GPR132: variants seen among roughly 807,000 people sequenced by gnomAD.
The protein encoded by GPR132 is probable G protein-coupled receptor 132.
GPR132 carries 4 observed loss-of-function variants against 1.9 expected under a neutral mutation model. The ratio of observed to expected loss-of-function variants is 2.13; its 90% confidence interval spans 1.05 to 4.87. The LOEUF is 4.87. Among genes scored for constraint, GPR132 ranks in the 30% most tolerant of loss-of-function variants. The pLI is 0.01. For synonymous variants in GPR132, 233 were observed against 234.2 expected, an observed-to-expected ratio of 0.99 and a Z score of 0.05; for missense variants, 404 against 512.5, an observed-to-expected ratio of 0.79 and a Z score of 2.04.
Position 105,060,552 on chromosome 14 carries a change from C to T in GPR132, c.-860-3272G>A, listed in dbSNP as rs1057316972. Among the ~76,000 whole-genome samples the T allele has an allele frequency of 1.3e-5, 2 of 152,230 alleles. No homozygotes were observed. Among genetic ancestry groups the T allele is most frequent in the African/African-American group, 4.8e-5 (2 of 41,462 alleles). On this transcript the variant is annotated intron_variant, in intron 1 of 3. Transcript: ENST00000329797. The surrounding 1 kb of genome is among the most constrained non-coding windows in gnomAD (Gnocchi z 6.3). ...CTCCGATTCTGCAGCCGCCCCCTCC[C>T]CACCTTTCAAATTCTGAATAACACG...
Position 105,051,867 on chromosome 14 carries a change from C to G in GPR132, c.270G>C (p.Leu90=). The G allele has an allele frequency of 6.2e-7, 1 of 1,613,842 alleles. No individual in the cohort carries two copies. Among genetic ancestry groups the G allele is most frequent in the Non-Finnish European group, 8.5e-7 (1 of 1,179,976 alleles). ...YLLCLALCEL[L]YTGTLPLWVI... is the part of the protein sequence containing the mutation. ...CCCAGAGTGGCAGCGTGCCTGTGTACAGCAGCTCGCAGAGTGCCAGGCAGA... is the reference window on the plus strand; with the variant it reads ...CCCAGAGTGGCAGCGTGCCTGTGTAGAGCAGCTCGCAGAGTGCCAGGCAGA... The change falls in exon 4 of 4, where the codon CTG becomes CTC. Residue 90 remains leucine (L), a synonymous_variant. Coordinates refer to ENST00000329797, the MANE Select transcript of GPR132 (RefSeq NM_013345.4). The surrounding 1 kb of genome is among the most constrained non-coding windows in gnomAD (Gnocchi z 8.0).
In GPR132 at chr14:105,052,212, C is replaced by G. The variant is rs182326606; in HGVS notation, c.35-110G>C. On this transcript the variant is annotated intron_variant, in intron 3 of 3. Coordinates refer to ENST00000329797, the MANE Select transcript of GPR132 (RefSeq NM_013345.4). Reference sequence around the variant, plus strand: ...TTTGTGGTAGCTCAGACTAGACACACGCAGGTGTTTAAAACATTTCCAAAT... The same window carrying G: ...TTTGTGGTAGCTCAGACTAGACACAGGCAGGTGTTTAAAACATTTCCAAAT... 254 of 826,950 alleles carry G rather than the reference C, an allele frequency of 3.1e-4. 3 individuals carry two copies. The African/African-American group carries it at 3.7e-3, about 12-fold the overall frequency. 51.2% of individuals were successfully genotyped at this position (826,950 alleles called of 1,614,324 possible). A position where few individuals can be genotyped will look rare whatever the true frequency, so the allele number is the denominator to read the frequency against.
intron 3 of GPR132, among the ~76,000 whole-genome samples, chr14:105,052,366 G>A (rs781187260): frequency 6.6e-6 from 1 of 151,842 alleles, no homozygotes; most frequent in Non-Finnish European, 1.5e-5. Flanking sequence ...TTGCTCTTGT[G>A]GCCCAGGTTG....
intron 1 of GPR132, among the ~76,000 whole-genome samples, chr14:105,063,127 C>T (rs530710683): frequency 6.6e-6 from 1 of 152,290 alleles, no homozygotes; most frequent in East Asian, 1.9e-4. Flanking sequence ...CCCTATGTTA[C>T]CCAGGCTGGT....
intron 1 of GPR132, among the ~76,000 whole-genome samples, chr14:105,062,868 T>C (rs1886985001): frequency 1.3e-5 from 2 of 151,532 alleles, no homozygotes; most frequent in African/African-American, 4.9e-5. Context: ...ATTAAAATTG[T>C]TCTCTCTCTC....
rs940589327 is a variant in GPR132, at chr14:105,055,684, C to T, written c.-264G>A. 2 of 515,456 alleles carry T rather than the reference C, an allele frequency of 3.9e-6. No individual in the cohort carries two copies. Among genetic ancestry groups the T allele is most frequent in the Non-Finnish European group, 6.9e-6 (2 of 288,764 alleles). 31.9% of individuals were successfully genotyped at this position (515,456 alleles called of 1,614,324 possible). On this transcript the variant is annotated 5_prime_UTR_variant, in exon 3 of 4. Coordinates refer to ENST00000329797, the MANE Select transcript of GPR132 (RefSeq NM_013345.4). This position sits in a 1 kb window ranked among gnomAD's most constrained non-coding sequence, Gnocchi z 4.7. Reference sequence around the variant, plus strand: ...AAGCTCCCTCCTGTTGCAGCGTGTGCCAGGATTTCCCTTCCTTTCAAAGGC... The same window carrying T: ...AAGCTCCCTCCTGTTGCAGCGTGTGTCAGGATTTCCCTTCCTTTCAAAGGC...
At chr14:105,064,096 C>T (rs952942138) in intron 1 of GPR132, among the ~76,000 whole-genome samples, 1 of 152,216 alleles carries the variant, frequency 6.6e-6, no homozygotes, top group Non-Finnish European at 1.5e-5. Context: ...GCCTTGGCCT[C>T]CCAAAGTGCT....
At chr14:105,064,134 T>C (rs934465350) in intron 1 of GPR132, among the ~76,000 whole-genome samples, 2 of 151,776 alleles carry the variant, frequency 1.3e-5, no homozygotes, top group African/African-American at 4.8e-5. Context: ...CCACCGCACC[T>C]GGCTGGATTG....
chr14:105,053,525 C>G (rs1362512203), intron 3 of GPR132, among the ~76,000 whole-genome samples: 1 of 152,148 alleles, frequency 6.6e-6, no homozygotes. Context: ...TAATTATAAG[C>G]TCCTGTGGGA....
At chr14:105,063,669 G>A (rs182064838) in intron 1 of GPR132, among the ~76,000 whole-genome samples, 1 of 150,814 alleles carries the variant, frequency 6.6e-6, no homozygotes, top group East Asian at 2.0e-4. Context: ...GAGCCACCAC[G>A]CCCAGCCTGT....
chr14:105,056,700 G>A lies in GPR132; in HGVS notation c.-747+467C>T, dbSNP rs1595138116. 6.6e-6 allele frequency among the ~76,000 whole-genome samples: 1 copy of A among 152,336 alleles called. No homozygotes were observed. The highest frequency in any genetic ancestry group is 1.9e-4 in the East Asian group (1 of 5,184). ...TCTGGACACCAGGTCCGTGGTGTCT[G>A]TGGCTCTGTGCCCATCTGGTGAGGA... On this transcript the variant is annotated intron_variant, in intron 2 of 3. Coordinates refer to ENST00000329797, the MANE Select transcript of GPR132 (RefSeq NM_013345.4). The surrounding 1 kb of genome is among the most constrained non-coding windows in gnomAD (Gnocchi z 6.0).
In GPR132 at chr14:105,050,649, G is replaced by T; in HGVS notation, c.*345C>A. 1 of 358,450 alleles carries T rather than the reference G, an allele frequency of 2.8e-6. No homozygotes were observed. The highest frequency in any genetic ancestry group is 5.2e-6 in the Non-Finnish European group (1 of 193,452). 22.2% of individuals were successfully genotyped at this position (358,450 alleles called of 1,614,324 possible). A position where few individuals can be genotyped will look rare whatever the true frequency, so the allele number is the denominator to read the frequency against. ...CGCAAATAAAGTCATCGCCACTGAT[G>T]CGAACAGGGCAGCCACCAGGTACCT... On this transcript the variant is annotated 3_prime_UTR_variant, in exon 4 of 4. Coordinates refer to ENST00000329797, the MANE Select transcript of GPR132 (RefSeq NM_013345.4). The surrounding 1 kb of genome is among the most constrained non-coding windows in gnomAD (Gnocchi z 4.0).
Position 105,050,883 on chromosome 14 carries a change from G to A in GPR132, c.*111C>T. ...TGGCTTCAGGAACGAGAAATTGGTA[G>A]TTTGTCTTCCAGAGGGGACATGGGC... On this transcript the variant is annotated 3_prime_UTR_variant, in exon 4 of 4. Transcript: ENST00000329797. This position sits in a 1 kb window ranked among gnomAD's most constrained non-coding sequence, Gnocchi z 4.0. 1.0e-6 allele frequency: 1 copy of A among 998,632 alleles called. No homozygotes were observed. Among genetic ancestry groups the A allele is most frequent in the East Asian group, 2.6e-5 (1 of 39,020 alleles). 61.9% of individuals were successfully genotyped at this position (998,632 alleles called of 1,614,324 possible).
chr14:105,065,211 C>A (rs1409075252), intron 1 of GPR132, among the ~76,000 whole-genome samples, 168 bp downstream of exon 1: 4 of 152,136 alleles, frequency 2.6e-5, no homozygotes, highest in African/African-American at 9.7e-5. Context: ...TGGGTTCTCT[C>A]GGGAGGGACC....
At chr14:105,054,054 T>A (rs1886720341) in intron 3 of GPR132, 2 of 1,288,376 alleles carry the variant, frequency 1.6e-6, no homozygotes, top group South Asian at 2.5e-5. Context: ...AGCTCCAGTG[T>A]CCTGGCTGCC....
chr14:105,051,449 T>C lies in GPR132; in HGVS notation c.688A>G (p.Met230Val), dbSNP rs574464634. 2.5e-6 allele frequency: 4 copies of C among 1,614,060 alleles called. No individual in the cohort carries two copies. The South Asian group carries it at 3.3e-5, about 13-fold the overall frequency. Residue 230 changes from methionine (M) to valine (V), a missense_variant, in exon 4 of 4, where the codon ATG (methionine) becomes GTG (valine). Physicochemically the swap from Met to Val is conservative, Grantham distance 21. Coordinates refer to ENST00000329797, the MANE Select transcript of GPR132 (RefSeq NM_013345.4). The surrounding 1 kb of genome is among the most constrained non-coding windows in gnomAD (Gnocchi z 8.0). ...HRIFRSIKQSMGLSAAQKAKV... is the reference protein window; with the variant it reads ...HRIFRSIKQSVGLSAAQKAKV... Reference sequence around the variant, plus strand: ...GCCTTCTGGGCAGCGCTTAAGCCCATGCTCTGCTTGATGCTCCTGAAAATC... The same window carrying C: ...GCCTTCTGGGCAGCGCTTAAGCCCACGCTCTGCTTGATGCTCCTGAAAATC...
chr14:105,064,602 G>A (rs1381595135), intron 1 of GPR132, among the ~76,000 whole-genome samples: 5 of 152,080 alleles, frequency 3.3e-5, no homozygotes, highest in Admixed American at 3.3e-4. Context: ...CCAAAGTGCT[G>A]GGATTACAGG....
In GPR132 at chr14:105,056,605, G is replaced by A. The variant is rs1886802420; in HGVS notation, c.-746-439C>T. ...ACACATCGTCGCCCGTGCGGTCTCA[G>A]TCAGGGCCTCGGTGCCCCTCAGTCC... is the stretch of plus-strand genomic sequence containing the variant. On this transcript the variant is annotated intron_variant, in intron 2 of 3. Coordinates refer to ENST00000329797, the MANE Select transcript of GPR132 (RefSeq NM_013345.4). This position sits in a 1 kb window ranked among gnomAD's most constrained non-coding sequence, Gnocchi z 6.0. 1.3e-5 allele frequency among the ~76,000 whole-genome samples: 2 copies of A among 152,196 alleles called. No homozygotes were observed. The highest frequency in any genetic ancestry group is 1.3e-4 in the Admixed American group (2 of 15,290).
rs1286526269 is a variant in GPR132, at chr14:105,049,690, G to C, written c.*1304C>G. On this transcript the variant is annotated 3_prime_UTR_variant, in exon 4 of 4. Transcript: ENST00000329797. Reference sequence around the variant, plus strand: ...AGCTACTCAGGAGGCTGAGCGGGGAGGATCGCTTGAGCCCAGGAGTTTGAG... The same window carrying C: ...AGCTACTCAGGAGGCTGAGCGGGGACGATCGCTTGAGCCCAGGAGTTTGAG... 2.6e-5 allele frequency: 4 copies of C among 152,370 alleles called. No homozygotes were observed. Among genetic ancestry groups the C allele is most frequent in the African/African-American group, 9.6e-5 (4 of 41,456 alleles). 9.4% of individuals were successfully genotyped at this position (152,370 alleles called of 1,614,324 possible). A position where few individuals can be genotyped will look rare whatever the true frequency, so the allele number is the denominator to read the frequency against.
Sources: gnomAD v4.1 joint callset for allele counts (sites outside exome capture counted in the v4.1 genomes callset) on GRCh38, gnomAD v4.1.1 for gene constraint, Gnocchi (gnomAD v3.1) non-coding constraint, MANE v1.5 for transcripts, NCBI Gene and HGNC (gene_info 2026-07-23, HGNC 2026-07-21) for gene names.